The following CCDC141 variants were observed in gnomAD, a reference collection of about 807,000 sequenced individuals.
CCDC141 encodes coiled-coil domain-containing protein 141.
Under a neutral mutation model 181.0 loss-of-function variants are expected in CCDC141, and 168 were observed. That is an observed-to-expected ratio of 0.93 (90% CI 0.82 to 1.05). The LOEUF is 1.05. Among genes scored for constraint, CCDC141 ranks in the 50% least tolerant of loss-of-function variants. The pLI, the probability that CCDC141 is intolerant of heterozygous loss-of-function variation, is 0.00. For missense variants in CCDC141, 1,902 were observed against 1,788.5 expected (o/e 1.06, Z -1.14); for synonymous variants, 666 against 642.3 (o/e 1.04, Z -0.56).
At chr2:178,919,080 C>T (rs910966464) in intron 6 of CCDC141, among the ~76,000 whole-genome samples, 173 bp from the exon 7 acceptor site, 24 of 152,234 alleles carry the variant, frequency 1.6e-4, no homozygotes, top group South Asian at 1.2e-3. Context: ...GGCTGCCTTG[C>T]CCCTTCCACC....
intron 2 of CCDC141, among the ~76,000 whole-genome samples, chr2:179,015,640 C>CAT (rs1276184642): frequency 2.2e-5 from 3 of 133,754 alleles, no homozygotes; most frequent in African/African-American, 2.8e-5. Flanking sequence ...ACATATATCT[C>CAT]ATATATATCT....
chr2:179,038,097 A>C (rs2154387620), intron 2 of CCDC141, among the ~76,000 whole-genome samples: 1 of 152,354 alleles, frequency 6.6e-6, no homozygotes, highest in Non-Finnish European at 1.5e-5. Flanking sequence ...AGGGCCAAAA[A>C]GTGGAAACAA....
chr2:179,015,000 T>G (rs2042383939), intron 2 of CCDC141, among the ~76,000 whole-genome samples: 1 of 138,968 alleles, frequency 7.2e-6, no homozygotes, highest in African/African-American at 2.7e-5. Context: ...AATTCACAGT[T>G]GCAAAATCAT....
chr2:178,915,590 A>G (rs1030901596), intron 7 of CCDC141, among the ~76,000 whole-genome samples: 2 of 152,246 alleles, frequency 1.3e-5, no homozygotes, highest in Non-Finnish European at 2.9e-5. Context: ...ATTTTCAAGG[A>G]AAGTACCTTT....
At chr2:178,913,310 T>C (rs1688300263) in intron 7 of CCDC141, among the ~76,000 whole-genome samples, 1 of 152,220 alleles carries the variant, frequency 6.6e-6, no homozygotes, top group African/African-American at 2.4e-5. Flanking sequence ...TATATTTTCC[T>C]TGATATCTAA....
At chr2:179,041,499 T>G (rs897699072) in intron 2 of CCDC141, among the ~76,000 whole-genome samples, 1 of 142,060 alleles carries the variant, frequency 7.0e-6, no homozygotes, top group Non-Finnish European at 1.5e-5. Context: ...GGGTTTTTTT[T>G]TTTTTTTTTT....
chr2:179,014,796 C>T (rs577752001), intron 2 of CCDC141, among the ~76,000 whole-genome samples: 20 of 151,694 alleles, frequency 1.3e-4, no homozygotes, highest in Admixed American at 1.3e-3. Context: ...GATGCGGCAA[C>T]CAGGGAACAC....
chr2:178,968,387 C>G (rs1004592607), intron 4 of CCDC141, among the ~76,000 whole-genome samples: 5 of 152,136 alleles, frequency 3.3e-5, no homozygotes, highest in African/African-American at 1.2e-4. Context: ...AACAGACAGC[C>G]TCTCAGACCA....
intron 2 of CCDC141, among the ~76,000 whole-genome samples, chr2:178,997,659 G>C (rs547263223): frequency 6.6e-6 from 1 of 152,272 alleles, no homozygotes; most frequent in African/African-American, 2.4e-5. Flanking sequence ...ATCCCTATTA[G>C]ACCAGACCAA....
chr2:178,818,885 A>C, the CCDC141 span, among the ~76,000 whole-genome samples: 1 of 152,108 alleles, frequency 6.6e-6, no homozygotes, highest in African/African-American at 2.4e-5. Context: ...ACTAATTTAC[A>C]CTCCCCAAAA....
chr2:178,880,011 C>T (rs940459912), intron 11 of CCDC141, among the ~76,000 whole-genome samples: 4 of 152,194 alleles, frequency 2.6e-5, no homozygotes, highest in Non-Finnish European at 4.4e-5. Flanking sequence ...AACTGAGATA[C>T]ATTCTCATTA....
chr2:178,935,078 T>A (rs1689232221), intron 6 of CCDC141, among the ~76,000 whole-genome samples: 1 of 152,190 alleles, frequency 6.6e-6, no homozygotes, highest in Non-Finnish European at 1.5e-5. Flanking sequence ...AACAATATTT[T>A]TGGAGTCGCT....
At chr2:178,864,209 G>A (rs1206863122) in intron 17 of CCDC141, among the ~76,000 whole-genome samples, 1 of 152,108 alleles carries the variant, frequency 6.6e-6, no homozygotes, top group Non-Finnish European at 1.5e-5. Flanking sequence ...AGAGGAGGAG[G>A]AAGAGAAGGA....
chr2:178,960,426 T>C lies in CCDC141; in HGVS notation c.780+804A>G, dbSNP rs1439523365. ...GGATGGAGTAATAATATTAAACATA[T>C]GAAAAAACCTCTTTCCTGTGTATCT... is the stretch of plus-strand genomic sequence containing the variant. On this transcript the variant is annotated intron_variant, in intron 5 of 23. Transcript: ENST00000443758. Among the ~76,000 whole-genome samples, 5 of 152,154 alleles carry C rather than the reference T, an allele frequency of 3.3e-5. No homozygotes were observed. In the East Asian group the frequency reaches 5.8e-4, roughly 18 times the overall value.
Position 178,831,578 on chromosome 2 carries a change from C to G in CCDC141, c.*2595G>C, listed in dbSNP as rs1254195423. On this transcript the variant is annotated 3_prime_UTR_variant, in exon 24 of 24. Transcript: ENST00000443758. ...TATATACCTTAAAATAGAAACAACA[C>G]TTAAATTTCCTAGGTCTTACATTTT... 6.6e-6 allele frequency: 1 copy of G among 152,092 alleles called. No homozygotes were observed. The highest frequency in any genetic ancestry group is 1.5e-5 in the Non-Finnish European group (1 of 68,034). 9.4% of individuals were successfully genotyped at this position (152,092 alleles called of 1,614,324 possible). A position where few individuals can be genotyped will look rare whatever the true frequency, so the allele number is the denominator to read the frequency against.
At chr2:178,986,533 G>A (rs887311382) in intron 2 of CCDC141, among the ~76,000 whole-genome samples, 1 of 152,184 alleles carries the variant, frequency 6.6e-6, no homozygotes, top group African/African-American at 2.4e-5. Flanking sequence ...AATTGTCCCT[G>A]TTTGCAGATG....
intron 2 of CCDC141, among the ~76,000 whole-genome samples, chr2:179,011,224 C>A (rs180760513): frequency 6.6e-6 from 1 of 151,848 alleles, no homozygotes; most frequent in East Asian, 1.9e-4. Context: ...CTGCTGCCTT[C>A]AGGAGATTTG....
At chr2:178,938,688 T>C (rs1330587209) in intron 6 of CCDC141, among the ~76,000 whole-genome samples, 2 of 152,128 alleles carry the variant, frequency 1.3e-5, no homozygotes, top group Admixed American at 6.5e-5. Flanking sequence ...ATACTGTTAG[T>C]AGAGTTTTGA....
intron 6 of CCDC141, among the ~76,000 whole-genome samples, chr2:178,940,908 T>G (rs1327149112): frequency 1.3e-5 from 2 of 152,244 alleles, no homozygotes; most frequent in African/African-American, 2.4e-5. Context: ...GATACTGAAA[T>G]GTACATCCTA....
Sources: gnomAD v4.1 joint callset for allele counts (sites outside exome capture counted in the v4.1 genomes callset) on GRCh38, gnomAD v4.1.1 for gene constraint, MANE v1.5 for transcripts, NCBI Gene and HGNC (gene_info 2026-07-23, HGNC 2026-07-21) for gene names.